The following TIMP3 variants were observed in gnomAD, a reference collection of about 807,000 sequenced individuals.
TIMP3 encodes the protein metalloproteinase inhibitor 3.
Under a neutral mutation model 30.0 loss-of-function variants are expected in TIMP3, and 11 were observed. The ratio of observed to expected loss-of-function variants is 0.37; its 90% CI spans 0.23 to 0.61. The LOEUF (loss-of-function observed/expected upper bound fraction) is 0.61. Among genes scored for constraint, TIMP3 ranks in the 20% least tolerant of loss-of-function variants. The pLI is 0.70. For synonymous variants in TIMP3, 112 were observed against 111.3 expected (o/e 1.01, Z -0.04); for missense variants, 181 against 276.8 (o/e 0.65, Z 2.45).
intron 1 of TIMP3, among the ~76,000 whole-genome samples, chr22:32,822,182 G>C (rs2047268835): frequency 6.6e-6 from 1 of 151,184 alleles, no homozygotes; most frequent in African/African-American, 2.4e-5. Context: ...AAAGAAGTTG[G>C]AGCTCTGTCT....
intron 1 of TIMP3, among the ~76,000 whole-genome samples, chr22:32,812,144 T>G (rs907310649): frequency 6.6e-5 from 10 of 152,218 alleles, no homozygotes; most frequent in African/African-American, 2.4e-4. Flanking sequence ...CTATGTGGTG[T>G]GTATTTCACT....
intron 1 of TIMP3, among the ~76,000 whole-genome samples, chr22:32,809,269 G>C (rs2046846187): frequency 6.6e-6 from 1 of 152,144 alleles, no homozygotes; most frequent in Non-Finnish European, 1.5e-5. Context: ...CTCTCATATA[G>C]ACCAAGGGCT....
At chr22:32,836,655 T>G (rs1018739253) in intron 1 of TIMP3, among the ~76,000 whole-genome samples, 1 of 152,110 alleles carries the variant, frequency 6.6e-6, no homozygotes, top group Non-Finnish European at 1.5e-5. Context: ...GTGCCCACTA[T>G]GTGAGTGATG....
chr22:32,830,597 T>C lies in TIMP3; in HGVS notation c.122-18855T>C, dbSNP rs372479817. On this transcript the variant is annotated intron_variant, in intron 1 of 4. Transcript: ENST00000266085. ...TCAGCACAGGTCATGCACAGGCAGCTGGGAATAGATATGCGAGTTAAAGGA... is the reference window on the plus strand; with the variant it reads ...TCAGCACAGGTCATGCACAGGCAGCCGGGAATAGATATGCGAGTTAAAGGA... Among the ~76,000 whole-genome samples the C allele has an allele frequency of 7.2e-5, 11 of 152,280 alleles. No individual in the cohort carries two copies. In the East Asian group the frequency reaches 1.9e-3, roughly 27 times the overall value.
chr22:32,802,129 G>T lies in TIMP3; in HGVS notation c.121+7G>T, dbSNP rs2046604826. The T allele has an allele frequency of 6.3e-7, 1 of 1,578,538 alleles. No homozygotes were observed. The highest frequency in any genetic ancestry group is 8.6e-7 in the Non-Finnish European group (1 of 1,168,550). On this transcript the variant is annotated splice_region_variant and intron_variant, in intron 1 of 4. Transcript: ENST00000266085. ...TTCTGCAACTCCGACATCGGTAAGC[G>T]CTCCTGGTGCCCCGCCCGAGCCCCA...
intron 1 of TIMP3, among the ~76,000 whole-genome samples, chr22:32,838,938 GA>G (rs781094697): frequency 6.6e-6 from 1 of 151,552 alleles, no homozygotes; most frequent in Non-Finnish European, 1.5e-5. Context: ...AATCATTAAA[GA>G]ACACGTGCTG....
At position 32,803,751 on chromosome 22, in the gene TIMP3, C is replaced by T. The variant is rs577013250; in HGVS notation, c.121+1629C>T. Among the ~76,000 whole-genome samples, 12 of 152,302 alleles carry T rather than the reference C, an allele frequency of 7.9e-5. No homozygotes were observed. In the East Asian group the frequency reaches 1.4e-3, roughly 17 times the overall value. ...TTTGCCCAGCAGGATCACACACGTG[C>T]GGCCAGGAGGCTGGCAGGTGGAATC... On this transcript the variant is annotated intron_variant, in intron 1 of 4. Coordinates refer to ENST00000266085, the MANE Select transcript of TIMP3 (RefSeq NM_000362.5).
chr22:32,848,574 C>T (rs943768056), intron 1 of TIMP3, among the ~76,000 whole-genome samples: 1 of 152,068 alleles, frequency 6.6e-6, no homozygotes, highest in South Asian at 2.1e-4. Flanking sequence ...CATGGTTAGC[C>T]CATTTCATTT....
At chr22:32,814,339 G>GAAAGGAAGAAAGAA (rs369652077) in intron 1 of TIMP3, among the ~76,000 whole-genome samples, 1 of 10,354 alleles carries the variant, frequency 9.7e-5, no homozygotes, top group African/African-American at 2.0e-4. Context: ...AAGAAAGAAA[G>GAAAGGAAGAAAGAA]AGAAAGAAAG....
intron 1 of TIMP3, among the ~76,000 whole-genome samples, chr22:32,804,978 A>C (rs2046686965): frequency 6.6e-6 from 1 of 152,042 alleles, no homozygotes; most frequent in African/African-American, 2.4e-5. Context: ...TGTCCAGCTC[A>C]GGAAGGGGTG....
At chr22:32,827,989 C>A (rs2047461567) in intron 1 of TIMP3, among the ~76,000 whole-genome samples, 1 of 152,152 alleles carries the variant, frequency 6.6e-6, no homozygotes, top group African/African-American at 2.4e-5. Context: ...TTGTCTATTC[C>A]CCTTTGCCTC....
intron 1 of TIMP3, among the ~76,000 whole-genome samples, chr22:32,804,680 TG>T (rs2046678302): frequency 6.6e-6 from 1 of 152,324 alleles, no homozygotes; most frequent in African/African-American, 2.4e-5. Context: ...TCCTAGGGCC[TG>T]GCATGGCATT....
rs2046587498 is a variant in TIMP3, at chr22:32,801,743, T to G, written c.-259T>G. ...GGCAGGCGGCGGGCGCTCAGACGGC[T>G]TCTCCTCCTCCTCTTGCTCCTCCAG... On this transcript the variant is annotated 5_prime_UTR_variant, in exon 1 of 5. Transcript: ENST00000266085. This position sits in a 1 kb window ranked among gnomAD's most constrained non-coding sequence, Gnocchi z 4.7. 4.3e-6 allele frequency: 1 copy of G among 233,338 alleles called. No individual in the cohort carries two copies. The highest frequency in any genetic ancestry group is 7.9e-6 in the Non-Finnish European group (1 of 126,182). The allele number at this position is 233,338 out of a possible 1,614,324, so 14.5% of individuals were successfully genotyped here.
chr22:32,844,467 TA>T (rs1019986863), intron 1 of TIMP3, among the ~76,000 whole-genome samples: 2 of 152,182 alleles, frequency 1.3e-5, no homozygotes, highest in Non-Finnish European at 2.9e-5. Context: ...CTTGCTTTTG[TA>T]AGCTCTTACT....
chr22:32,842,278 T>C (rs548819002), intron 1 of TIMP3, among the ~76,000 whole-genome samples: 2 of 152,270 alleles, frequency 1.3e-5, no homozygotes, highest in African/African-American at 4.8e-5. Flanking sequence ...GGAGGGTTTT[T>C]TTGGGAGTTG....
At chr22:32,854,986 T>C (rs1001528927) in intron 2 of TIMP3, among the ~76,000 whole-genome samples, 3 of 152,158 alleles carry the variant, frequency 2.0e-5, no homozygotes, top group African/African-American at 7.2e-5. Flanking sequence ...ACAGGCCAAA[T>C]GGGAGGCATT....
rs1456610129 is a variant in TIMP3, at chr22:32,801,816, C to A, written c.-186C>A. The A allele has an allele frequency of 3.3e-5, 20 of 606,800 alleles. No homozygotes were observed. The highest frequency in any genetic ancestry group is 4.3e-5 in the Non-Finnish European group (19 of 444,860). The allele number at this position is 606,800 out of a possible 1,614,324, so 37.6% of individuals were successfully genotyped here. On this transcript the variant is annotated 5_prime_UTR_variant, in exon 1 of 5. Coordinates refer to ENST00000266085, the MANE Select transcript of TIMP3 (RefSeq NM_000362.5). The surrounding 1 kb of genome is among the most constrained non-coding windows in gnomAD (Gnocchi z 4.7). ...CCGCCCGCCGAGTCCTGCGCCAGCG[C>A]CGAGGCAGCCTCGCTGCGCCCCATC...
intron 1 of TIMP3, among the ~76,000 whole-genome samples, chr22:32,824,006 C>T (rs924468404): frequency 1.3e-5 from 2 of 152,114 alleles, no homozygotes; most frequent in Non-Finnish European, 2.9e-5. Flanking sequence ...AGGCCAGGCG[C>T]GGTGACTCAC....
chr22:32,844,346 G>T (rs181820994), intron 1 of TIMP3, among the ~76,000 whole-genome samples: 3 of 152,320 alleles, frequency 2.0e-5, no homozygotes, highest in East Asian at 3.9e-4. Context: ...ATTGCCATTG[G>T]AAAATTGTTC....
Sources: gnomAD v4.1 joint callset for allele counts (sites outside exome capture counted in the v4.1 genomes callset) on GRCh38, gnomAD v4.1.1 for gene constraint, Gnocchi (gnomAD v3.1) non-coding constraint, MANE v1.5 for transcripts, NCBI Gene and HGNC (gene_info 2026-07-23, HGNC 2026-07-21) for gene names.